DACH2: variants seen among roughly 807,000 people sequenced by gnomAD.
DACH2 encodes dachshund homolog 2.
A neutral mutation model predicts 35.8 loss-of-function variants in DACH2; 17 were observed. That is an observed-to-expected ratio of 0.48 (90% CI 0.33 to 0.71). The LOEUF is 0.71. Ranked by LOEUF, DACH2 falls within the 30% of genes least tolerant of loss-of-function variation. The probability of loss-of-function intolerance (pLI) is 0.02; values close to 1 mark genes in which losing one functional copy is unlikely to be tolerated. For missense variants in DACH2, 469 were observed against 472.7 expected (o/e 0.99, Z 0.07); for synonymous variants, 195 against 177.3 (o/e 1.10, Z -0.79).
intron 11 of DACH2, among the ~76,000 whole-genome samples, chrX:86,826,633 C>T (rs780567160): frequency 8.2e-4 from 91 of 111,586 alleles, no homozygotes; most frequent in Admixed American, 1.7e-3. Context: ...CAATAATAAC[C>T]GACTGGATCC....
intron 2 of DACH2, among the ~76,000 whole-genome samples, chrX:86,489,534 CA>C (rs1204508719): frequency 1.8e-5 from 2 of 110,341 alleles, no homozygotes; most frequent in African/African-American, 3.3e-5. Flanking sequence ...GTTCTTGCCT[CA>C]AAAAAATATG....
At chrX:86,175,755 A>C (rs2031282703) in intron 1 of DACH2, among the ~76,000 whole-genome samples, 1 of 111,231 alleles carries the variant, frequency 9.0e-6, no homozygotes, top group African/African-American at 3.3e-5. Flanking sequence ...AAGGCAGAGT[A>C]TATAGATGGA....
Position 86,148,574 on chromosome X carries a change from G to C in DACH2, c.-47G>C, listed in dbSNP as rs2030236810. Reference sequence around the variant, plus strand: ...GTGCGAGGGGATCTAGAGGAGTCAGGGCGAGAAAGCGAGGGCCGGAGGACC... The same window carrying C: ...GTGCGAGGGGATCTAGAGGAGTCAGCGCGAGAAAGCGAGGGCCGGAGGACC... On this transcript the variant is annotated 5_prime_UTR_variant, in exon 1 of 12. Coordinates refer to ENST00000373125, the MANE Select transcript of DACH2 (RefSeq NM_053281.3). The C allele has an allele frequency of 8.9e-7, 1 of 1,122,847 alleles. No homozygotes were observed. The highest frequency in any genetic ancestry group is 1.2e-6 in the Non-Finnish European group (1 of 851,689). 92.5% of individuals were successfully genotyped at this position (1,122,847 alleles called of 1,213,427 possible). A position where few individuals can be genotyped will look rare whatever the true frequency, so the allele number is the denominator to read the frequency against.
intron 3 of DACH2, among the ~76,000 whole-genome samples, chrX:86,624,832 C>T (rs758734471): frequency 2.7e-5 from 3 of 111,424 alleles, no homozygotes; most frequent in Non-Finnish European, 5.6e-5. Context: ...TGCCTTTTCT[C>T]ATCACCAAGA....
At chrX:86,245,956 C>T (rs1004083488) in intron 1 of DACH2, among the ~76,000 whole-genome samples, 4 of 111,472 alleles carry the variant, frequency 3.6e-5, no homozygotes, top group African/African-American at 1.3e-4. Flanking sequence ...AGCTGCAAGA[C>T]ATTTTAAGAA....
chrX:86,172,737 G>T (rs7065578), intron 1 of DACH2, among the ~76,000 whole-genome samples: 3,640 of 111,190 alleles, frequency 0.033, 143 homozygotes, highest in African/African-American at 0.11. Flanking sequence ...TGGGAATTAG[G>T]GATAAACAAA....
chrX:86,650,609 A>T lies in DACH2; in HGVS notation c.641-427A>T, dbSNP rs1325092751. ...AAAATAACTGTCCAAAACTCTTAGC[A>T]GACAAAAGAATACATTAGCAAGAGT... On this transcript the variant is annotated intron_variant, in intron 3 of 11. Transcript: ENST00000373125. Among the ~76,000 whole-genome samples, 7 of 111,866 alleles carry T rather than the reference A, an allele frequency of 6.3e-5. No individual in the cohort carries two copies. The East Asian group carries it at 1.1e-3, about 18-fold the overall frequency.
At chrX:86,671,916 G>A (rs985506597) in intron 4 of DACH2, among the ~76,000 whole-genome samples, 6 of 111,565 alleles carry the variant, frequency 5.4e-5, no homozygotes, top group Non-Finnish European at 1.1e-4. Context: ...GAGTGGTTTT[G>A]ACCAAAATGC....
chrX:86,207,312 T>C (rs746869492), intron 1 of DACH2, among the ~76,000 whole-genome samples: 1 of 111,582 alleles, frequency 9.0e-6, no homozygotes, highest in African/African-American at 3.3e-5. Context: ...TGTAATCTGG[T>C]TTCATGAACT....
intron 3 of DACH2, among the ~76,000 whole-genome samples, chrX:86,591,964 G>A (rs903287594): frequency 9.0e-6 from 1 of 111,614 alleles, no homozygotes; most frequent in Non-Finnish European, 1.9e-5. Flanking sequence ...CCTGTGGCTT[G>A]TCTTTCCATT....
chrX:86,612,790 T>G (rs967959583), intron 3 of DACH2, among the ~76,000 whole-genome samples: 5 of 112,547 alleles, frequency 4.4e-5, no homozygotes. Context: ...GATTTTTGAT[T>G]CTTATGAGTG....
intron 2 of DACH2, among the ~76,000 whole-genome samples, chrX:86,449,650 C>T (rs1368176205): frequency 9.0e-6 from 1 of 110,584 alleles, no homozygotes; most frequent in Non-Finnish European, 1.9e-5. Context: ...TTTATTTTAG[C>T]ATATTTATTA....
In DACH2 at chrX:86,812,750, T is replaced by C. The variant is rs929663941; in HGVS notation, c.1241-106T>C. ...CTTCTAATTATGAGAATGTCAGTCA[T>C]TTAGTTTTAGAAACAAAATCTTTAT... On this transcript the variant is annotated intron_variant, in intron 7 of 11. Coordinates refer to ENST00000373125, the MANE Select transcript of DACH2 (RefSeq NM_053281.3). The C allele has an allele frequency of 1.3e-5, 6 of 470,752 alleles. No individual in the cohort carries two copies. In the African/African-American group the frequency reaches 1.5e-4, roughly 12 times the overall value. 38.8% of individuals were successfully genotyped at this position (470,752 alleles called of 1,213,427 possible).
intron 2 of DACH2, among the ~76,000 whole-genome samples, chrX:86,445,757 G>A (rs2037261072): frequency 9.1e-6 from 1 of 110,386 alleles, no homozygotes; most frequent in African/African-American, 3.3e-5. Flanking sequence ...AAATAGGTTA[G>A]GACTTGTTTT....
intron 2 of DACH2, among the ~76,000 whole-genome samples, chrX:86,507,963 CGAAAT>C (rs1321863992): frequency 9.0e-6 from 1 of 110,895 alleles, no homozygotes; most frequent in Non-Finnish European, 1.9e-5. Flanking sequence ...ATTGAAGACT[CGAAAT>C]GAAAGGAGAG....
intron 1 of DACH2, among the ~76,000 whole-genome samples, chrX:86,310,548 C>A (rs756742164): frequency 1.8e-5 from 2 of 111,672 alleles, no homozygotes; most frequent in South Asian, 3.8e-4. Context: ...CCTGAAGGAC[C>A]GTGGTGAAGG....
At chrX:86,596,637 T>C (rs933333609) in intron 3 of DACH2, among the ~76,000 whole-genome samples, 1 of 111,683 alleles carries the variant, frequency 9.0e-6, no homozygotes, top group African/African-American at 3.2e-5. Context: ...ATCAGATACA[T>C]AGTTTTAAAA....
intron 3 of DACH2, among the ~76,000 whole-genome samples, chrX:86,528,546 TTAAAG>T: frequency 8.9e-6 from 1 of 111,895 alleles, no homozygotes; most frequent in East Asian, 2.8e-4. Flanking sequence ...CTAAGCTTAA[TTAAAG>T]TAATTAGGTA....
At chrX:86,502,003 T>TTTTCCTTCCTTCCTTCC (rs1231468028) in intron 2 of DACH2, among the ~76,000 whole-genome samples, 1 of 84,733 alleles carries the variant, frequency 1.2e-5, no homozygotes, top group Non-Finnish European at 2.2e-5. Flanking sequence ...ATAATCCTTC[T>TTTTCCTTCCTTCCTTCC]TTCCTTCTTT....
Sources: gnomAD v4.1 joint callset for allele counts (sites outside exome capture counted in the v4.1 genomes callset) on GRCh38, gnomAD v4.1.1 for gene constraint, MANE v1.5 for transcripts, NCBI Gene and HGNC (gene_info 2026-07-23, HGNC 2026-07-21) for gene names.